The following SMYD3 variants were observed in gnomAD, a reference collection of about 807,000 sequenced individuals.
SMYD3 encodes SET and MYND domain containing 3, also known as histone-lysine N-methyltransferase SMYD3.
Under a neutral mutation model 57.7 loss-of-function variants are expected in SMYD3, and 36 were observed. The observed-to-expected ratio is 0.62, with a 90% confidence interval of 0.48 to 0.82. The LOEUF is 0.82. Ranked by LOEUF, SMYD3 falls within the 40% of genes least tolerant of loss-of-function variation. SMYD3 has a pLI of 0.00. For synonymous variants in SMYD3, 211 were observed against 195.0 expected (o/e 1.08, Z -0.68); for missense variants, 515 against 538.8 (o/e 0.96, Z 0.44).
intron 5 of SMYD3, among the ~76,000 whole-genome samples, chr1:246,057,093 G>C (rs182800229): frequency 1.9e-4 from 29 of 152,254 alleles, no homozygotes; most frequent in Admixed American, 4.6e-4. Flanking sequence ...CCAAGTTCAA[G>C]TCCATCCTCG....
At chr1:246,214,226 T>C (rs1572222138) in intron 5 of SMYD3, among the ~76,000 whole-genome samples, 1 of 152,142 alleles carries the variant, frequency 6.6e-6, no homozygotes, top group African/African-American at 2.4e-5. Flanking sequence ...AGATTAGATT[T>C]CACATCCCAG....
chr1:246,394,624 TAGC>T (rs1253526120), intron 1 of SMYD3, among the ~76,000 whole-genome samples: 2 of 152,190 alleles, frequency 1.3e-5, no homozygotes, highest in African/African-American at 4.8e-5. Context: ...ACAATGAACA[TAGC>T]AGCAATCAAC....
At chr1:246,118,812 CTTTT>C (rs10623626) in intron 5 of SMYD3, among the ~76,000 whole-genome samples, 9 of 139,558 alleles carry the variant, frequency 6.4e-5, no homozygotes, top group African/African-American at 1.0e-4. Context: ...GAGGCACGTG[CTTTT>C]TTTTTTTTTT....
intron 5 of SMYD3, among the ~76,000 whole-genome samples, chr1:246,269,173 C>T (rs1320169187): frequency 6.6e-6 from 1 of 152,150 alleles, no homozygotes; most frequent in Non-Finnish European, 1.5e-5. Context: ...CATGAAGCCT[C>T]CCAGTTTCCT....
intron 4 of SMYD3, among the ~76,000 whole-genome samples, chr1:246,328,575 T>G (rs1210278675): frequency 6.6e-6 from 1 of 152,204 alleles, no homozygotes; most frequent in Non-Finnish European, 1.5e-5. Flanking sequence ...TCTATGCATA[T>G]CCTTTAGATT....
intron 5 of SMYD3, among the ~76,000 whole-genome samples, chr1:245,947,125 G>A (rs530951602): frequency 1.3e-5 from 2 of 152,254 alleles, no homozygotes; most frequent in Admixed American, 1.3e-4. Context: ...GCTGGGAAGC[G>A]TCAACTAAAA....
intron 5 of SMYD3, among the ~76,000 whole-genome samples, chr1:246,027,466 C>T (rs1275316707): frequency 6.6e-6 from 1 of 152,158 alleles, no homozygotes; most frequent in Non-Finnish European, 1.5e-5. Context: ...TAAGTTGAAG[C>T]AAATGTTCAT....
intron 5 of SMYD3, among the ~76,000 whole-genome samples, chr1:246,307,413 C>CTTTTTTTT (rs869254416): frequency 3.1e-5 from 3 of 96,066 alleles, no homozygotes; most frequent in Non-Finnish European, 6.0e-5. Flanking sequence ...TTAGGGGATT[C>CTTTTTTTT]TTTTTTTTTT....
At chr1:246,075,674 G>A (rs2060533332) in intron 5 of SMYD3, among the ~76,000 whole-genome samples, 1 of 152,188 alleles carries the variant, frequency 6.6e-6, no homozygotes, top group Non-Finnish European at 1.5e-5. Context: ...AAAGAATGAA[G>A]GGTGCTGGAA....
chr1:245,886,938 C>G (rs2053119031), intron 8 of SMYD3, among the ~76,000 whole-genome samples: 1 of 152,154 alleles, frequency 6.6e-6, no homozygotes, highest in Admixed American at 6.5e-5. Flanking sequence ...TCCAGCAATA[C>G]TAAACCATTA....
intron 1 of SMYD3, among the ~76,000 whole-genome samples, chr1:246,502,453 T>C (rs2068471601): frequency 6.6e-6 from 1 of 152,144 alleles, no homozygotes; most frequent in South Asian, 2.1e-4. Flanking sequence ...CTATAACTCA[T>C]CTAATCTGTC....
rs188348835 is a variant in SMYD3 at position 245,759,009 on chromosome 1, G to A, written c.1185+5032C>T. ...TGATGACACCCTGTTACTGCCAGGCGGGAGTACAAGTTCAGGTTCCCTATC... is the reference window on the plus strand; with the variant it reads ...TGATGACACCCTGTTACTGCCAGGCAGGAGTACAAGTTCAGGTTCCCTATC... On this transcript the variant is annotated intron_variant, in intron 11 of 11. Coordinates refer to ENST00000490107, the MANE Select transcript of SMYD3 (RefSeq NM_001167740.2). Among the ~76,000 whole-genome samples the A allele has an allele frequency of 1.2e-3, 186 of 152,258 alleles. 1 individual carries two copies. The highest frequency in any genetic ancestry group is 3.4e-3 in the Middle Eastern group (1 of 294).
intron 1 of SMYD3, among the ~76,000 whole-genome samples, chr1:246,411,615 C>G: frequency 6.6e-6 from 1 of 151,984 alleles, no homozygotes; most frequent in Non-Finnish European, 1.5e-5. Context: ...GAAAATGTGG[C>G]ACATATACAC....
chr1:246,125,064 T>C (rs1466910519), intron 5 of SMYD3, among the ~76,000 whole-genome samples: 9 of 74,394 alleles, frequency 1.2e-4, no homozygotes, highest in South Asian at 5.0e-4. Context: ...AGAGCGAGAC[T>C]CCGTCTCAAA....
At chr1:246,053,765 T>C (rs2060102153) in intron 5 of SMYD3, among the ~76,000 whole-genome samples, 1 of 151,710 alleles carries the variant, frequency 6.6e-6, no homozygotes, top group South Asian at 2.1e-4. Context: ...GCCTGCATAA[T>C]GTAGTGAGAC....
chr1:245,988,107 AAC>A (rs35432668), intron 5 of SMYD3, among the ~76,000 whole-genome samples: 4,192 of 148,680 alleles, frequency 0.028, 75 homozygotes, highest in African/African-American at 0.035. Context: ...AACCAAACCA[AAC>A]ACACACACAC....
chr1:245,855,220 C>T (rs2148466949), intron 10 of SMYD3, among the ~76,000 whole-genome samples: 2 of 152,292 alleles, frequency 1.3e-5, no homozygotes, highest in South Asian at 4.1e-4. Flanking sequence ...CTCCTTATCA[C>T]TCTCTAGTTC....
chr1:246,257,476 CTTTT>C (rs1048966605), intron 5 of SMYD3, among the ~76,000 whole-genome samples: 2 of 152,108 alleles, frequency 1.3e-5, no homozygotes, highest in African/African-American at 4.8e-5. Flanking sequence ...AAGCCCTGCT[CTTTT>C]TTGTTATTCA....
In SMYD3 at chr1:245,772,339, T is replaced by C. The variant is rs138803656; in HGVS notation, c.1077-8190A>G. Among the ~76,000 whole-genome samples, 314 of 152,300 alleles carry C rather than the reference T, an allele frequency of 2.1e-3. 1 individual carries two copies. Among genetic ancestry groups the C allele is most frequent in the African/African-American group, 7.2e-3 (298 of 41,562 alleles). ...ACTTCTCTTAAAACCTTCCACCAAA[T>C]AGGTCCTTCACTCAAAAGGTGGGGT... On this transcript the variant is annotated intron_variant, in intron 10 of 11. Coordinates refer to ENST00000490107, the MANE Select transcript of SMYD3 (RefSeq NM_001167740.2).
Sources: gnomAD v4.1 joint callset for allele counts (sites outside exome capture counted in the v4.1 genomes callset) on GRCh38, gnomAD v4.1.1 for gene constraint, MANE v1.5 for transcripts, NCBI Gene and HGNC (gene_info 2026-07-23, HGNC 2026-07-21) for gene names.